The following ECE1 variants were observed in gnomAD, a reference collection of about 807,000 sequenced individuals.
ECE1 encodes the protein endothelin converting enzyme 1, also known as endothelin-converting enzyme 1.
In ECE1, 35 loss-of-function variants were observed where a neutral mutation model predicts 98.6. The observed-to-expected ratio is 0.35, with a 90% CI of 0.27 to 0.47. The LOEUF (loss-of-function observed/expected upper bound fraction) is 0.47. ECE1 is among the 20% of genes least tolerant of loss of function. The pLI, the probability that ECE1 is intolerant of heterozygous loss-of-function variation, is 1.00. For synonymous variants in ECE1, 394 were observed against 407.1 expected, an observed-to-expected ratio of 0.97 and a Z score of 0.39; for missense variants, 814 against 1,025.3, an observed-to-expected ratio of 0.79 and a Z score of 2.81.
intron 4 of ECE1, among the ~76,000 whole-genome samples, chr1:21,264,495 A>C (rs547613727): frequency 6.6e-6 from 1 of 152,042 alleles, no homozygotes; most frequent in Non-Finnish European, 1.5e-5. Context: ...TTGTATTTTT[A>C]GTAGAGACAG....
At chr1:21,251,578 C>T (rs978880793) in intron 8 of ECE1, among the ~76,000 whole-genome samples, 12 of 152,170 alleles carry the variant, frequency 7.9e-5, no homozygotes, top group African/African-American at 2.7e-4. Context: ...CTCTTCCCAC[C>T]GTGGCTGATG....
Position 21,225,108 on chromosome 1 carries a change from CA to C in ECE1, c.2040+141del. 8.8e-7 allele frequency: 1 copy of C among 1,136,590 alleles called. No homozygotes were observed. Among genetic ancestry groups the C allele is most frequent in the South Asian group, 1.5e-5 (1 of 68,090 alleles). 70.4% of individuals were successfully genotyped at this position (1,136,590 alleles called of 1,614,324 possible). A position where few individuals can be genotyped will look rare whatever the true frequency, so the allele number is the denominator to read the frequency against. On this transcript the variant is annotated intron_variant, in intron 17 of 18. Coordinates refer to ENST00000374893, the MANE Select transcript of ECE1 (RefSeq NM_001397.3). The surrounding 1 kb of genome is among the most constrained non-coding windows in gnomAD (Gnocchi z 5.3). ...GGTCGGCATCGCGATTGGTCCTCGC[CA>C]CCCCCAATTTCGCAGAAGAGGAAAC...
chr1:21,274,554 C>T (rs1437061174), intron 3 of ECE1, among the ~76,000 whole-genome samples: 1 of 152,160 alleles, frequency 6.6e-6, no homozygotes, highest in Non-Finnish European at 1.5e-5. Context: ...TCAGCTTCCT[C>T]AAGTCTCAGG....
At chr1:21,288,252 A>T (rs1392833344) in intron 2 of ECE1, among the ~76,000 whole-genome samples, 2 of 152,156 alleles carry the variant, frequency 1.3e-5, no homozygotes, top group African/African-American at 4.8e-5. Context: ...AATGTCTCTA[A>T]CCTCTCTTTG....
intron 14 of ECE1, among the ~76,000 whole-genome samples, chr1:21,232,673 ATT>A (rs57168698): frequency 1.8e-4 from 24 of 136,542 alleles, no homozygotes; most frequent in Admixed American, 2.2e-4. Context: ...AGGAAGCTGT[ATT>A]TTTTTTTTTT....
At chr1:21,282,937 A>ATTTTTTTTTTTTTTTTTTTTTTTTTT in intron 2 of ECE1, among the ~76,000 whole-genome samples, 1 of 104,494 alleles carries the variant, frequency 9.6e-6, no homozygotes, top group Non-Finnish European at 1.9e-5. Context: ...TCACAACATT[A>ATTTTTTTTTTTTTTTTTTTTTTTTTT]TTTTTTTTTT....
At chr1:21,232,376 G>A (rs1426586681) in intron 14 of ECE1, among the ~76,000 whole-genome samples, 1 of 151,498 alleles carries the variant, frequency 6.6e-6, no homozygotes, top group Non-Finnish European at 1.5e-5. Context: ...TTGACTCACT[G>A]CAGCTTCGAC....
chr1:21,319,833 T>C lies in ECE1; in HGVS notation c.3+25543A>G, dbSNP rs890872362. Among the ~76,000 whole-genome samples, 2 of 152,166 alleles carry C rather than the reference T, an allele frequency of 1.3e-5. No individual in the cohort carries two copies. Among genetic ancestry groups the C allele is most frequent in the East Asian group, 1.9e-4 (1 of 5,196 alleles). On this transcript the variant is annotated intron_variant, in intron 1 of 18. Transcript: ENST00000415912. This position sits in a 1 kb window ranked among gnomAD's most constrained non-coding sequence, Gnocchi z 4.4. ...GGCTGAACAAACACACGCGGTCCCA[T>C]GGCTTCTAGTGCCAGCCCCCACACA... is the stretch of plus-strand genomic sequence containing the variant.
Position 21,345,241 on chromosome 1 carries a change from G to A in ECE1, c.3+135C>T. Reference sequence around the variant, plus strand: ...CCCGACTCCACGCCTTCCGAGAGCCGGGCGGGGGCTGCTGCTGCAGCCGGC... The same window carrying A: ...CCCGACTCCACGCCTTCCGAGAGCCAGGCGGGGGCTGCTGCTGCAGCCGGC... On this transcript the variant is annotated intron_variant, in intron 1 of 18. Coordinates refer to the ECE1 transcript ENST00000415912. The surrounding 1 kb of genome is among the most constrained non-coding windows in gnomAD (Gnocchi z 5.1). The A allele has an allele frequency of 8.8e-7, 1 of 1,136,214 alleles. No individual in the cohort carries two copies. The highest frequency in any genetic ancestry group is 1.1e-6 in the Non-Finnish European group (1 of 919,508). 70.4% of individuals were successfully genotyped at this position (1,136,214 alleles called of 1,614,324 possible). A position where few individuals can be genotyped will look rare whatever the true frequency, so the allele number is the denominator to read the frequency against.
At chr1:21,276,199 T>C (rs980473353) in intron 3 of ECE1, among the ~76,000 whole-genome samples, 1 of 152,106 alleles carries the variant, frequency 6.6e-6, no homozygotes, top group African/African-American at 2.4e-5. Flanking sequence ...CTAATTTTTG[T>C]ATTTTTAGTA....
chr1:21,232,457 T>C (rs12087166), intron 14 of ECE1, among the ~76,000 whole-genome samples: 20,799 of 151,574 alleles, frequency 0.14, 3,206 homozygotes, highest in African/African-American at 0.38. Context: ...TGCCACCACG[T>C]CCAGCTAATT....
chr1:21,236,681 C>G (rs1281907511), intron 12 of ECE1, 65 bp downstream of exon 12: 4 of 1,484,776 alleles, frequency 2.7e-6, no homozygotes, highest in Non-Finnish European at 3.8e-6. Context: ...GCCTCTCCTT[C>G]CCCCACCCTC....
chr1:21,282,938 T>A (rs2098256512), intron 2 of ECE1, among the ~76,000 whole-genome samples: 1 of 6,504 alleles, frequency 1.5e-4, no homozygotes, highest in Admixed American at 1.7e-3. Context: ...CACAACATTA[T>A]TTTTTTTTTT....
intron 1 of ECE1, among the ~76,000 whole-genome samples, chr1:21,313,891 TC>T (rs200820794): frequency 0.013 from 1,939 of 152,208 alleles, 42 homozygotes; most frequent in African/African-American, 0.044. Flanking sequence ...ATGTCCCGGC[TC>T]ACGGAGAACG....
intron 1 of ECE1, among the ~76,000 whole-genome samples, chr1:21,334,869 C>T (rs575824078): frequency 6.6e-6 from 1 of 152,154 alleles, no homozygotes; most frequent in East Asian, 1.9e-4. Flanking sequence ...TATCCTGAGG[C>T]CCGCGCTCCT....
At position 21,220,721 on chromosome 1, in the gene ECE1, G is replaced by A. The variant is rs1303017993; in HGVS notation, c.2137-590C>T. On this transcript the variant is annotated intron_variant, in intron 18 of 18. Transcript: ENST00000374893. This position sits in a 1 kb window ranked among gnomAD's most constrained non-coding sequence, Gnocchi z 5.0. ...TGAGGCAGGAGAATCACTTGAACCC[G>A]GGAGGTTGAGGTTGCAGTGAGCCAA... Among the ~76,000 whole-genome samples the A allele has an allele frequency of 5.3e-5, 8 of 152,084 alleles. No homozygotes were observed. The highest frequency in any genetic ancestry group is 7.2e-5 in the African/African-American group (3 of 41,396).
intron 1 of ECE1, among the ~76,000 whole-genome samples, chr1:21,316,595 A>G (rs1044378120): frequency 6.6e-6 from 1 of 151,968 alleles, no homozygotes; most frequent in Non-Finnish European, 1.5e-5. Flanking sequence ...CTTAACATAC[A>G]TAACACACAT....
chr1:21,287,528 A>AATAAATAAATAAAT (rs1192710553), intron 2 of ECE1, among the ~76,000 whole-genome samples: 1 of 152,188 alleles, frequency 6.6e-6, no homozygotes, highest in Non-Finnish European at 1.5e-5. Context: ...TCTGTCTCAA[A>AATAAATAAATAAAT]ATAAATAAAT....
chr1:21,279,480 A>C, intron 2 of ECE1, 148 bp from the exon 3 acceptor site: 1 of 1,513,224 alleles, frequency 6.6e-7, no homozygotes, highest in Non-Finnish European at 8.9e-7. Flanking sequence ...CCACAGATTC[A>C]GCCCTAATCC....
Sources: gnomAD v4.1 joint callset for allele counts (sites outside exome capture counted in the v4.1 genomes callset) on GRCh38, gnomAD v4.1.1 for gene constraint, Gnocchi (gnomAD v3.1) non-coding constraint, MANE v1.5 for transcripts, NCBI Gene and HGNC (gene_info 2026-07-23, HGNC 2026-07-21) for gene names.